SP140: variants seen among roughly 807,000 people sequenced by gnomAD.
SP140 encodes the protein nuclear body protein SP140.
Under a neutral mutation model 125.0 loss-of-function variants are expected in SP140, and 81 were observed. That is an observed-to-expected ratio of 0.65 (90% confidence interval 0.54 to 0.78). The LOEUF is 0.78. SP140 is among the 30% of genes least tolerant of loss of function. SP140 has a pLI of 0.00. For missense variants in SP140, 858 were observed against 1,037.0 expected, an observed-to-expected ratio of 0.83 and a Z score of 2.37; for synonymous variants, 312 against 354.0, an observed-to-expected ratio of 0.88 and a Z score of 1.33.
chr2:230,282,875 C>T (rs773384074), intron 15 of SP140, among the ~76,000 whole-genome samples: 2 of 152,198 alleles, frequency 1.3e-5, no homozygotes, highest in African/African-American at 2.4e-5. Context: ...TTACGTGGCT[C>T]CTGGCTGGCT....
In SP140 at chr2:230,288,509, C is replaced by CTTTCTTTT. The variant is rs1553600193; in HGVS notation, c.1720+550_1720+551insTTTTCTTT. Among the ~76,000 whole-genome samples the CTTTCTTTT allele has an allele frequency of 3.2e-3, 367 of 116,118 alleles. 4 individuals carry two copies. Among genetic ancestry groups the CTTTCTTTT allele is most frequent in the African/African-American group, 0.011 (346 of 31,692 alleles). 76.2% of individuals were successfully genotyped at this position (116,118 alleles called of 152,430 possible). A position where few individuals can be genotyped will look rare whatever the true frequency, so the allele number is the denominator to read the frequency against. ...TCTTTCTTTCTTTCTTTCTTTCTTT[C>CTTTCTTTT]TTTCTTTCTTTCTTTTTTTATTCTT... On this transcript the variant is annotated intron_variant, in intron 18 of 26. Transcript: ENST00000392045.
At chr2:230,208,431 G>A (rs1182363988) in intron 1 of SP140, among the ~76,000 whole-genome samples, 10 of 152,204 alleles carry the variant, frequency 6.6e-5, no homozygotes, top group Admixed American at 5.9e-4. Context: ...ATACTTGAGA[G>A]AGAAGGGATC....
chr2:230,252,580 G>C (rs2050534950), intron 10 of SP140, among the ~76,000 whole-genome samples: 1 of 152,178 alleles, frequency 6.6e-6, no homozygotes, highest in South Asian at 2.1e-4. Context: ...CATGGGGTGG[G>C]AGACCAGGTG....
upstream of SP140, chr2:230,202,452 C>A: frequency 1.2e-6 from 1 of 826,990 alleles, no homozygotes. Context: ...TGTTATACCC[C>A]ATCCTCATTC....
At chr2:230,314,220 C>T (rs1201395069), downstream of SP140, among the ~76,000 whole-genome samples, 8 of 152,180 alleles carry the variant, frequency 5.3e-5, no homozygotes, top group African/African-American at 1.7e-4. Flanking sequence ...CAGAAAAATC[C>T]TCTTTCCCCT....
At chr2:230,220,604 C>T (rs760218457) in intron 3 of SP140, among the ~76,000 whole-genome samples, 11 of 152,308 alleles carry the variant, frequency 7.2e-5, no homozygotes, top group South Asian at 2.1e-4. Flanking sequence ...AGAACTGGGA[C>T]CTGCTGATTC....
At chr2:230,314,119 A>G (rs1044160398), downstream of SP140, among the ~76,000 whole-genome samples, 3 of 152,188 alleles carry the variant, frequency 2.0e-5, no homozygotes, top group African/African-American at 7.2e-5. Context: ...TCTTATGCCA[A>G]TGTCAAGGCC....
rs1058109 is a variant in SP140, at chr2:230,238,886, C to T, written c.406+505C>T. On this transcript the variant is annotated intron_variant, in intron 3 of 26. Coordinates refer to ENST00000392045, the MANE Select transcript of SP140 (RefSeq NM_007237.5). The stretch of plus-strand genomic sequence containing the variant: ...GAGCTGCATGTGAAAGCTATGAAGA[C>T]AGAAAAGGGGGTTGGTGGGGGCCTT... 1,205 of 1,551,418 alleles carry T rather than the reference C, an allele frequency of 7.8e-4. 1 individual carries two copies. The highest frequency in any genetic ancestry group is 1.0e-3 in the Non-Finnish European group (1,149 of 1,146,982).
chr2:230,244,171 T>C (rs937955752), intron 5 of SP140, among the ~76,000 whole-genome samples: 1 of 152,228 alleles, frequency 6.6e-6, no homozygotes, highest in African/African-American at 2.4e-5. Flanking sequence ...AAAAACTAAA[T>C]GATAATTTTT....
chr2:230,238,902 T>A (rs1302801481), intron 3 of SP140: 1 of 1,550,436 alleles, frequency 6.4e-7, no homozygotes, highest in African/African-American at 1.4e-5. Context: ...AGGGGGTTGG[T>A]GGGGGCCTTT....
intron 1 of SP140, among the ~76,000 whole-genome samples, chr2:230,232,097 T>A: frequency 6.6e-6 from 1 of 152,344 alleles, no homozygotes; most frequent in South Asian, 2.1e-4. Flanking sequence ...TAAAGCATTT[T>A]CCCTGGAGAG....
chr2:230,245,513 G>A (rs1273347221), intron 6 of SP140, among the ~76,000 whole-genome samples: 5 of 152,110 alleles, frequency 3.3e-5, no homozygotes, highest in African/African-American at 7.2e-5. Flanking sequence ...GGGATATAAC[G>A]GGGCAAAGAG....
At chr2:230,224,444 GGA>G (rs1216154085), upstream of SP140, among the ~76,000 whole-genome samples, 3 of 132,098 alleles carry the variant, frequency 2.3e-5, no homozygotes, top group African/African-American at 6.5e-5. Flanking sequence ...GGAGAGGGAG[GGA>G]GAGAGAGGGA....
At chr2:230,238,495 C>A in intron 3 of SP140, 114 bp downstream of exon 3, 1 of 1,032,420 alleles carries the variant, frequency 9.7e-7, no homozygotes, top group Non-Finnish European at 1.4e-6. Context: ...TATTACATGC[C>A]AAGCCCAGGG....
intron 9 of SP140, among the ~76,000 whole-genome samples, chr2:230,250,328 C>T (rs1396458833): frequency 6.6e-6 from 1 of 152,168 alleles, no homozygotes; most frequent in Admixed American, 6.6e-5. Flanking sequence ...CTGTGGCTTC[C>T]ACCCTTCATG....
At chr2:230,212,564 A>G in intron 1 of SP140, 1 of 1,034,244 alleles carries the variant, frequency 9.7e-7, no homozygotes, top group Non-Finnish European at 1.5e-6. Flanking sequence ...GGGAGTGGGA[A>G]GCAGGTGTTC....
intron 3 of SP140, among the ~76,000 whole-genome samples, chr2:230,218,479 G>A (rs2045476692): frequency 6.6e-6 from 1 of 152,168 alleles, no homozygotes; most frequent in South Asian, 2.1e-4. Context: ...ATATGCACAG[G>A]GGAAGGAGAT....
In SP140 at chr2:230,310,900, G is replaced by T. The variant is rs533963773; in HGVS notation, c.2283+49G>T. The T allele has an allele frequency of 6.9e-6, 6 of 867,686 alleles. No homozygotes were observed. In the African/African-American group the frequency reaches 8.8e-5, roughly 13 times the overall value. The allele number at this position is 867,686 out of a possible 1,614,324, so 53.7% of individuals were successfully genotyped here. ...CCTTCTCCTTTCCCCTCACACGTGAGAACCATGAACAAGCGCAAGGGCAGG... is the reference window on the plus strand; with the variant it reads ...CCTTCTCCTTTCCCCTCACACGTGATAACCATGAACAAGCGCAAGGGCAGG... On this transcript the variant is annotated intron_variant, in intron 24 of 26. Coordinates refer to ENST00000392045, the MANE Select transcript of SP140 (RefSeq NM_007237.5).
rs2048266770 is a variant in SP140, at chr2:230,238,377, G to A, written c.402G>A (p.Gln134=). 1 of 1,610,424 alleles carries A rather than the reference G, an allele frequency of 6.2e-7. No individual in the cohort carries two copies. The highest frequency in any genetic ancestry group is 8.5e-7 in the Non-Finnish European group (1 of 1,179,114). ...TAAACGAGATTTACAGAAGCTTCCA[G>A]AATGGTAACTATAGCTCTCAACAGC... ...PDLNEIYRSF[Q]NVCYEHSPLQ... is the part of the protein sequence containing the mutation. Residue 134 remains glutamine, a synonymous_variant, in exon 3 of 27, where the codon CAG becomes CAA. Coordinates refer to ENST00000392045, the MANE Select transcript of SP140 (RefSeq NM_007237.5).
Sources: allele counts gnomAD v4.1 joint callset (sites outside exome capture counted in the v4.1 genomes callset), GRCh38; gene constraint gnomAD v4.1.1; transcripts MANE v1.5; gene names NCBI Gene and HGNC (gene_info 2026-07-23, HGNC 2026-07-21).